CDK14: variants seen among roughly 807,000 people sequenced by gnomAD.
CDK14 encodes the protein cyclin-dependent kinase 14.
A neutral mutation model predicts 60.7 loss-of-function variants in CDK14; 34 were observed. That is an observed-to-expected ratio of 0.56 (90% confidence interval 0.43 to 0.75). The LOEUF is 0.75. Among genes scored for constraint, CDK14 ranks in the 30% least tolerant of loss-of-function variants. The probability of loss-of-function intolerance (pLI) is 0.00; values close to 1 mark genes in which losing one functional copy is unlikely to be tolerated. For synonymous variants in CDK14, 197 were observed against 203.7 expected, an observed-to-expected ratio of 0.97 and a Z score of 0.28; for missense variants, 482 against 564.1, an observed-to-expected ratio of 0.85 and a Z score of 1.47.
intron 6 of CDK14, among the ~76,000 whole-genome samples, chr7:90,875,050 C>T (rs550914732): frequency 3.3e-5 from 5 of 152,146 alleles, no homozygotes; most frequent in African/African-American, 4.8e-5. Context: ...CCTGAACCAC[C>T]GATCTACTGT....
intron 5 of CDK14, among the ~76,000 whole-genome samples, chr7:90,825,383 T>C (rs536736494): frequency 6.6e-6 from 1 of 152,306 alleles, no homozygotes; most frequent in Admixed American, 6.5e-5. Context: ...AAAAGTTATG[T>C]ATAAAGGAGA....
At chr7:90,900,814 T>C (rs1042627047) in intron 7 of CDK14, among the ~76,000 whole-genome samples, 1 of 152,206 alleles carries the variant, frequency 6.6e-6, no homozygotes, top group African/African-American at 2.4e-5. Context: ...ATGACATCAC[T>C]GGGCTTTTAT....
chr7:91,170,601 G>A (rs1440051301), intron 14 of CDK14, among the ~76,000 whole-genome samples: 1 of 152,044 alleles, frequency 6.6e-6, no homozygotes, highest in South Asian at 2.1e-4. Context: ...TTTCCCCTCA[G>A]TGAAAATTGA....
chr7:91,180,434 A>C (rs1365652208), intron 14 of CDK14, among the ~76,000 whole-genome samples: 1 of 152,208 alleles, frequency 6.6e-6, no homozygotes, highest in Non-Finnish European at 1.5e-5. Flanking sequence ...CAAAACAGCT[A>C]TGTATAGTAC....
intron 8 of CDK14, among the ~76,000 whole-genome samples, chr7:90,947,482 G>A (rs1437224702): frequency 2.6e-5 from 4 of 152,100 alleles, no homozygotes; most frequent in Non-Finnish European, 5.9e-5. Context: ...ATTGGGATAC[G>A]AATAATCTTA....
chr7:90,937,737 C>T (rs1793799256), intron 8 of CDK14, among the ~76,000 whole-genome samples: 1 of 152,182 alleles, frequency 6.6e-6, no homozygotes, highest in Non-Finnish European at 1.5e-5. Flanking sequence ...GACACCATCT[C>T]AACAAATGGA....
intron 10 of CDK14, among the ~76,000 whole-genome samples, chr7:90,999,303 C>T (rs1035383550): frequency 6.6e-6 from 1 of 151,748 alleles, no homozygotes; most frequent in Admixed American, 6.6e-5. Flanking sequence ...AAACCTGTCA[C>T]CAGGGCCGGG....
intron 8 of CDK14, among the ~76,000 whole-genome samples, chr7:90,938,523 T>C (rs1173088022): frequency 6.6e-6 from 1 of 152,202 alleles, no homozygotes; most frequent in African/African-American, 2.4e-5. Context: ...ATTTATTACT[T>C]CACATATTGC....
At position 91,016,194 on chromosome 7, in the gene CDK14, C is replaced by T. The variant is rs537812592; in HGVS notation, c.1042-29703C>T. ...GAACAATGCCTGTAGGTTAGCACTT[C>T]TTCCATTATGAATTTTGATTTGAGA... On this transcript the variant is annotated intron_variant, in intron 10 of 14. Coordinates refer to ENST00000380050, the MANE Select transcript of CDK14 (RefSeq NM_001287135.2). Among the ~76,000 whole-genome samples the T allele has an allele frequency of 7.2e-5, 11 of 152,242 alleles. No homozygotes were observed. The South Asian group carries it at 2.3e-3, about 32-fold the overall frequency.
chr7:90,852,506 TTA>T (rs932506148), intron 5 of CDK14, among the ~76,000 whole-genome samples: 6 of 46,928 alleles, frequency 1.3e-4, no homozygotes, highest in Non-Finnish European at 2.4e-4. Flanking sequence ...AGTTAAACAG[TTA>T]AAAATGAAAG....
At chr7:91,063,922 C>G (rs1797888012) in intron 11 of CDK14, among the ~76,000 whole-genome samples, 1 of 151,990 alleles carries the variant, frequency 6.6e-6, no homozygotes, top group African/African-American at 2.4e-5. Flanking sequence ...GTGTCAGGGA[C>G]TTATCAGCTC....
At chr7:90,767,466 C>T (rs533422228) in intron 4 of CDK14, among the ~76,000 whole-genome samples, 1 of 152,210 alleles carries the variant, frequency 6.6e-6, no homozygotes, top group African/African-American at 2.4e-5. Context: ...TAGCTATTTT[C>T]CCCCCTTGTT....
chr7:90,650,290 C>G (rs1584769279), intron 2 of CDK14, among the ~76,000 whole-genome samples: 1 of 152,192 alleles, frequency 6.6e-6, no homozygotes, highest in East Asian at 2.0e-4. Context: ...CCTTTGCCCA[C>G]TTTTTGACGG....
At chr7:90,633,031 G>A (rs1800038512) in intron 2 of CDK14, among the ~76,000 whole-genome samples, 1 of 151,622 alleles carries the variant, frequency 6.6e-6, no homozygotes, top group Non-Finnish European at 1.5e-5. Flanking sequence ...GGGAGGTGGA[G>A]GTTGCAGTAA....
intron 12 of CDK14, among the ~76,000 whole-genome samples, chr7:91,104,276 G>A (rs2116324751): frequency 6.6e-6 from 1 of 152,202 alleles, no homozygotes; most frequent in East Asian, 1.9e-4. Context: ...ACCTGCGATA[G>A]AACACTGAAA....
intron 11 of CDK14, among the ~76,000 whole-genome samples, chr7:91,063,901 GT>G (rs201169521): frequency 5.9e-5 from 9 of 151,792 alleles, no homozygotes; most frequent in Admixed American, 2.6e-4. Flanking sequence ...GATACTGAGT[GT>G]TTTTTTTATG....
intron 6 of CDK14, among the ~76,000 whole-genome samples, chr7:90,898,400 G>T (rs1792401844): frequency 6.6e-6 from 1 of 152,062 alleles, no homozygotes; most frequent in South Asian, 2.1e-4. Context: ...TGTTATAAAT[G>T]ACTACAGCAA....
chr7:91,141,078 G>T (rs1037828709), intron 14 of CDK14, among the ~76,000 whole-genome samples: 1 of 152,182 alleles, frequency 6.6e-6, no homozygotes, highest in African/African-American at 2.4e-5. Context: ...AGAGATTTTT[G>T]TACATCAGCA....
At chr7:90,969,898 G>A (rs978419647) in intron 9 of CDK14, among the ~76,000 whole-genome samples, 4 of 151,312 alleles carry the variant, frequency 2.6e-5, no homozygotes, top group African/African-American at 9.7e-5. Context: ...TATGTAACCT[G>A]GAGTTATTAC....
Sources: gnomAD v4.1 joint callset for allele counts (sites outside exome capture counted in the v4.1 genomes callset) on GRCh38, gnomAD v4.1.1 for gene constraint, MANE v1.5 for transcripts, NCBI Gene and HGNC (gene_info 2026-07-23, HGNC 2026-07-21) for gene names.